LARP1B: variants seen among roughly 807,000 people sequenced by gnomAD.
LARP1B encodes la-related protein 1B.
LARP1B carries 76 observed loss-of-function variants against 114.2 expected under a neutral mutation model. The observed-to-expected ratio is 0.67, with a 90% CI of 0.55 to 0.81. The LOEUF (loss-of-function observed/expected upper bound fraction) is 0.81, where lower values mean the gene tolerates loss of function less well. Ranked by LOEUF, LARP1B falls within the 30% of genes least tolerant of loss-of-function variation. LARP1B has a pLI of 0.00. For synonymous variants in LARP1B, 345 were observed against 348.0 expected, an observed-to-expected ratio of 0.99 and a Z score of 0.10; for missense variants, 1,014 against 1,075.8, an observed-to-expected ratio of 0.94 and a Z score of 0.80.
intron 12 of LARP1B, among the ~76,000 whole-genome samples, chr4:128,166,876 C>A (rs1399232260): frequency 6.7e-6 from 1 of 148,274 alleles, no homozygotes; most frequent in African/African-American, 2.5e-5. Flanking sequence ...CCAGTTTCAT[C>A]CATGTTGTAG....
At chr4:128,212,912 C>CTTTTTTTTTTTTTTT (rs1174891101), downstream of LARP1B, among the ~76,000 whole-genome samples, 1 of 83,740 alleles carries the variant, frequency 1.2e-5, no homozygotes, top group Non-Finnish European at 2.2e-5. Flanking sequence ...AAATCTCTCT[C>CTTTTTTTTTTTTTTT]TTTTTTTTTT....
rs1343171236 is a variant in LARP1B, at chr4:128,162,203, G to A, written c.1534G>A (p.Glu512Lys). ...CTCCATTCTACTTCAGCAAGAAGTT[G>A]AGAACTTTAAGAAGCTAAATCTCAT... ...NKHTAIKQEV[E>K]NFKKLNLISK... Residue 512 changes from glutamate (E) to lysine (K), a missense_variant, in exon 12 of 20, where the codon GAG becomes AAG. Glu to Lys is a moderately conservative substitution (Grantham distance 56). Transcript: ENST00000326639. 4 of 1,612,166 alleles carry A rather than the reference G, an allele frequency of 2.5e-6. No homozygotes were observed. The highest frequency in any genetic ancestry group is 3.4e-6 in the Non-Finnish European group (4 of 1,178,862).
chr4:128,075,134 G>C, intron 3 of LARP1B, 141 bp downstream of exon 3: 1 of 632,168 alleles, frequency 1.6e-6, no homozygotes, highest in Non-Finnish European at 2.8e-6. Flanking sequence ...ACAGGGTCTT[G>C]CTCTGTCTCC....
intron 11 of LARP1B, among the ~76,000 whole-genome samples, chr4:128,158,733 C>T (rs1420848714): frequency 6.6e-6 from 1 of 152,096 alleles, no homozygotes; most frequent in Non-Finnish European, 1.5e-5. Context: ...AGGATGACTA[C>T]ATTAAAAGCT....
At chr4:128,073,572 GTTTTTTTTTTTTTTTTT>G (rs568197117) in intron 1 of LARP1B, among the ~76,000 whole-genome samples, 34 of 39,994 alleles carry the variant, frequency 8.5e-4, no homozygotes, top group Non-Finnish European at 1.2e-3. Context: ...TATTGTTGTC[GTTTTTTTTTTTTTTTTT>G]TTTTTTTTTT....
At chr4:128,176,720 T>C in intron 12 of LARP1B, 152 bp from the exon 13 acceptor site, 1 of 667,500 alleles carries the variant, frequency 1.5e-6, no homozygotes, top group Non-Finnish European at 2.6e-6. Flanking sequence ...TTCGATGCAG[T>C]TGTGGTAGTT....
chr4:128,155,827 C>A, intron 11 of LARP1B: 3 of 1,580,708 alleles, frequency 1.9e-6, no homozygotes, highest in Non-Finnish European at 1.7e-6. Flanking sequence ...GAAATCAGGG[C>A]TGCAGCGAGA....
At chr4:128,166,896 G>A (rs1245344001) in intron 12 of LARP1B, among the ~76,000 whole-genome samples, 2 of 145,498 alleles carry the variant, frequency 1.4e-5, no homozygotes, top group Admixed American at 1.4e-4. Context: ...GCAAATGGCA[G>A]GATCTCCTTT....
At chr4:128,181,973 C>T (rs535390926) in intron 15 of LARP1B, among the ~76,000 whole-genome samples, 97 of 146,422 alleles carry the variant, frequency 6.6e-4, no homozygotes, top group African/African-American at 2.3e-3. Flanking sequence ...GCCTGGCTAA[C>T]TTTTTTTTTT....
chr4:128,177,690 G>T (rs1313166930), intron 13 of LARP1B, among the ~76,000 whole-genome samples: 1 of 152,146 alleles, frequency 6.6e-6, no homozygotes, highest in Non-Finnish European at 1.5e-5. Context: ...CCAGAATGTT[G>T]AATTGGAATT....
intron 10 of LARP1B, among the ~76,000 whole-genome samples, chr4:128,116,259 G>A (rs1327010942): frequency 6.6e-6 from 1 of 152,146 alleles, no homozygotes; most frequent in South Asian, 2.1e-4. Flanking sequence ...AAGTAAAACT[G>A]GGGAAGTATA....
At chr4:128,201,437 G>T (rs1402167327) in intron 17 of LARP1B, among the ~76,000 whole-genome samples, 1 of 152,138 alleles carries the variant, frequency 6.6e-6, no homozygotes, top group Non-Finnish European at 1.5e-5. Context: ...AGCCAACCCA[G>T]TTCTTAAGAT....
chr4:128,108,932 T>A, intron 9 of LARP1B: 1 of 583,686 alleles, frequency 1.7e-6, no homozygotes, highest in Non-Finnish European at 2.2e-6. Context: ...TTTTTTAATA[T>A]ACACTCAGAT....
rs147888193 is a variant in LARP1B at position 128,178,554 on chromosome 4, A to G, written c.1808A>G (p.Lys603Arg). The stretch of plus-strand genomic sequence containing the variant: ...AGAATTCATCCTACAAGAACACCCA[A>G]AACACCTCGAACACCTAGGTTACAA... ...SPRIHPTRTP[K>R]TPRTPRLQDP... Residue 603 changes from lysine to arginine, a missense_variant, in exon 14 of 20, where the codon AAA (lysine) becomes AGA (arginine). Physicochemically the swap from Lys to Arg is conservative, Grantham distance 26 (BLOSUM62 2). Transcript: ENST00000326639. 5.8e-5 allele frequency: 93 copies of G among 1,614,090 alleles called. No homozygotes were observed. The African/African-American group carries it at 1.1e-3, about 19-fold the overall frequency.
chr4:128,145,847 A>G (rs1232625355), intron 11 of LARP1B, among the ~76,000 whole-genome samples: 1 of 152,188 alleles, frequency 6.6e-6, no homozygotes, highest in Non-Finnish European at 1.5e-5. Context: ...GGTTATTTAC[A>G]TTAGGAGGCA....
In LARP1B at chr4:128,111,396, G is replaced by A. The variant is rs190852673; in HGVS notation, c.989-3174G>A. ...TTAATATGAACATTGATAATTCATA[G>A]TATTAGAAATAGAGTTCTCTGGGCC... On this transcript the variant is annotated intron_variant, in intron 9 of 19. Coordinates refer to ENST00000326639, the MANE Select transcript of LARP1B (RefSeq NM_018078.4). Among the ~76,000 whole-genome samples the A allele has an allele frequency of 1.8e-4, 27 of 152,140 alleles. 1 individual carries two copies. The South Asian group carries it at 4.8e-3, about 27-fold the overall frequency.
At chr4:128,133,401 CTT>C (rs1488828710) in intron 11 of LARP1B, among the ~76,000 whole-genome samples, 3 of 152,152 alleles carry the variant, frequency 2.0e-5, no homozygotes, top group Non-Finnish European at 4.4e-5. Flanking sequence ...TCATGGATGA[CTT>C]AATATTATTA....
At position 128,114,643 on chromosome 4, in the gene LARP1B, A is replaced by C; in HGVS notation, c.1062A>C (p.Gln354His). The change falls in exon 10 of 20, where the codon CAA becomes CAC. Residue 354 changes from glutamine (Q) to histidine (H), a missense_variant. Physicochemically the swap from Gln to His is conservative, Grantham distance 24. Coordinates refer to ENST00000326639, the MANE Select transcript of LARP1B (RefSeq NM_018078.4). ...AAAACAGTGAAACAAGTATTCTTCA[A>C]GCAATGTCTAGAGGTTTGTCTACCA... ...PKKNSETSILQAMSRGLSTSL... is the reference protein window; with the variant it reads ...PKKNSETSILHAMSRGLSTSL... 6.2e-7 allele frequency: 1 copy of C among 1,613,992 alleles called. No individual in the cohort carries two copies. The highest frequency in any genetic ancestry group is 1.1e-5 in the South Asian group (1 of 91,080).
At chr4:128,095,686 AAAC>A (rs1389204978) in intron 7 of LARP1B, among the ~76,000 whole-genome samples, 2 of 152,008 alleles carry the variant, frequency 1.3e-5, no homozygotes, top group African/African-American at 4.8e-5. Context: ...AGGTAGCTGA[AAAC>A]AAGTTTCCAG....
Sources: allele counts gnomAD v4.1 joint callset (sites outside exome capture counted in the v4.1 genomes callset), GRCh38; gene constraint gnomAD v4.1.1; transcripts MANE v1.5; gene names NCBI Gene and HGNC (gene_info 2026-07-23, HGNC 2026-07-21).